SVOPL: variants seen among roughly 807,000 people sequenced by gnomAD.
SVOPL encodes the protein SVOP like.
Under a neutral mutation model 61.0 loss-of-function variants are expected in SVOPL, and 60 were observed. That is an observed-to-expected ratio of 0.98 (90% CI 0.80 to 1.22). SVOPL has a LOEUF of 1.22. Ranked by LOEUF, SVOPL falls within the 50% of genes most tolerant of loss-of-function variation. The probability of loss-of-function intolerance (pLI) is 0.00; values close to 1 mark genes in which losing one functional copy is unlikely to be tolerated. For missense variants in SVOPL, 662 were observed against 643.9 expected, an observed-to-expected ratio of 1.03 and a Z score of -0.30; for synonymous variants, 279 against 250.0, an observed-to-expected ratio of 1.12 and a Z score of -1.09.
At chr7:138,671,137 C>T (rs1802405310) in intron 4 of SVOPL, among the ~76,000 whole-genome samples, 1 of 152,096 alleles carries the variant, frequency 6.6e-6, no homozygotes, top group Non-Finnish European at 1.5e-5. Context: ...GGAGCAGTGG[C>T]TATAGAATGC....
chr7:138,642,096 T>TA (rs1260552897), intron 9 of SVOPL, among the ~76,000 whole-genome samples: 3 of 151,264 alleles, frequency 2.0e-5, no homozygotes, highest in Admixed American at 6.6e-5. Context: ...TACATTATAA[T>TA]AACATAGCTA....
chr7:138,616,016 GA>G (rs1235606516), intron 14 of SVOPL, among the ~76,000 whole-genome samples: 1 of 151,504 alleles, frequency 6.6e-6, no homozygotes, highest in Non-Finnish European at 1.5e-5. Context: ...AAAGAGACCA[GA>G]AAAAACTCTT....
At chr7:138,661,160 T>A (rs1200098151) in intron 5 of SVOPL, 1 of 985,304 alleles carries the variant, frequency 1.0e-6, no homozygotes, top group African/African-American at 1.7e-5. Context: ...TCCATTTGTG[T>A]TTATGCTCAG....
chr7:138,648,185 G>A (rs564341415), intron 8 of SVOPL, among the ~76,000 whole-genome samples: 2 of 152,256 alleles, frequency 1.3e-5, no homozygotes, highest in Non-Finnish European at 2.9e-5. Context: ...GGTGCTGAAG[G>A]AGAGAGTGGA....
chr7:138,686,820 T>G lies in SVOPL; in HGVS notation c.-34-7741A>C, dbSNP rs1182744013. 3.9e-5 allele frequency among the ~76,000 whole-genome samples: 6 copies of G among 152,158 alleles called. No individual in the cohort carries two copies. The East Asian group carries it at 1.2e-3, about 29-fold the overall frequency. On this transcript the variant is annotated intron_variant, in intron 1 of 15. Transcript: ENST00000674285. ...CCCAGGTCATCTGCCTGCCTTGGCCTCCCAAAGTGCTGGGATTACAGGCAT... is the reference window on the plus strand; with the variant it reads ...CCCAGGTCATCTGCCTGCCTTGGCCGCCCAAAGTGCTGGGATTACAGGCAT...
At chr7:138,649,563 CT>C (rs1317453725) in intron 7 of SVOPL, among the ~76,000 whole-genome samples, 1 of 152,158 alleles carries the variant, frequency 6.6e-6, no homozygotes, top group Non-Finnish European at 1.5e-5. Context: ...TCCCAAAATG[CT>C]GGGATTACAG....
chr7:138,650,401 G>A (rs1410648739), intron 7 of SVOPL, among the ~76,000 whole-genome samples: 1 of 151,982 alleles, frequency 6.6e-6, no homozygotes, highest in Admixed American at 6.6e-5. Flanking sequence ...AGGCTTAAGG[G>A]GAAGAAGAGA....
At chr7:138,658,734 A>G (rs1317170482) in intron 6 of SVOPL, among the ~76,000 whole-genome samples, 1 of 152,222 alleles carries the variant, frequency 6.6e-6, no homozygotes, top group Admixed American at 6.5e-5. Flanking sequence ...TTTTAAGGAG[A>G]AAACTGCTCC....
At chr7:138,693,552 AG>A in intron 1 of SVOPL, among the ~76,000 whole-genome samples, 1 of 138,784 alleles carries the variant, frequency 7.2e-6, no homozygotes, top group Non-Finnish European at 1.5e-5. Flanking sequence ...AAAGAAAGAA[AG>A]AAAGAAAGAA....
intron 4 of SVOPL, among the ~76,000 whole-genome samples, chr7:138,667,702 C>T (rs996525796): frequency 2.0e-5 from 3 of 152,194 alleles, no homozygotes; most frequent in Admixed American, 2.0e-4. Context: ...GAAACCTCTG[C>T]TTCAAGCCAC....
intron 13 of SVOPL, 137 bp downstream of exon 13, chr7:138,625,832 C>T: frequency 2.6e-6 from 2 of 777,774 alleles, no homozygotes; most frequent in South Asian, 2.1e-5. Flanking sequence ...AAATAAACTT[C>T]TGGTGTCTTT....
chr7:138,662,325 C>T (rs1280458876), intron 5 of SVOPL: 1 of 985,328 alleles, frequency 1.0e-6, no homozygotes, highest in East Asian at 1.1e-4. Context: ...ATTTGGACTT[C>T]TCTTTTCATT....
In SVOPL at chr7:138,600,298, T is replaced by G. The variant is rs74763827; in HGVS notation, c.1354-3768A>C. Among the ~76,000 whole-genome samples the G allele has an allele frequency of 4.6e-5, 7 of 152,268 alleles. No homozygotes were observed. In the East Asian group the frequency reaches 1.4e-3, roughly 29 times the overall value. ...ATCGTTCACCAGATTGAAAAGGGTT[T>G]AAAAACTTGCTATCCCTGGCCAGGC... On this transcript the variant is annotated intron_variant, in intron 14 of 15. Transcript: ENST00000674285.
intron 9 of SVOPL, among the ~76,000 whole-genome samples, chr7:138,635,014 A>T (rs1448893675): frequency 1.3e-5 from 2 of 152,136 alleles, no homozygotes; most frequent in East Asian, 3.9e-4. Flanking sequence ...CATGCCTGTA[A>T]TCCCAGCACT....
intron 8 of SVOPL, among the ~76,000 whole-genome samples, chr7:138,647,705 G>A (rs147846633): frequency 0.015 from 2,298 of 152,042 alleles, 26 homozygotes; most frequent in Non-Finnish European, 0.023. Context: ...AAAATTAGTC[G>A]GGCGTGGTGG....
chr7:138,603,835 T>C (rs1798630715), intron 14 of SVOPL, among the ~76,000 whole-genome samples: 1 of 152,118 alleles, frequency 6.6e-6, no homozygotes, highest in Non-Finnish European at 1.5e-5. Flanking sequence ...TTTTAAACTT[T>C]CTTATAAAAA....
chr7:138,654,692 A>C (rs543355564), intron 7 of SVOPL, among the ~76,000 whole-genome samples: 25 of 151,932 alleles, frequency 1.6e-4, no homozygotes, highest in Middle Eastern at 3.4e-3. Flanking sequence ...TCGGAAAAAA[A>C]GGTTTTTTAA....
intron 9 of SVOPL, among the ~76,000 whole-genome samples, chr7:138,644,354 C>T (rs1400372186): frequency 1.3e-5 from 2 of 151,950 alleles, no homozygotes; most frequent in Non-Finnish European, 2.9e-5. Context: ...GAAACTATTT[C>T]AGAGATATGA....
chr7:138,605,191 T>TAA (rs34189478), intron 14 of SVOPL, among the ~76,000 whole-genome samples: 12 of 133,170 alleles, frequency 9.0e-5, no homozygotes, highest in African/African-American at 3.4e-4. Context: ...GACATTTATT[T>TAA]AAAAAAAAAA....
Sources: allele counts gnomAD v4.1 joint callset (sites outside exome capture counted in the v4.1 genomes callset), GRCh38; gene constraint gnomAD v4.1.1; transcripts MANE v1.5; gene names NCBI Gene and HGNC (gene_info 2026-07-23, HGNC 2026-07-21).